Variants in CFAP251 observed in about 807,000 individuals in gnomAD.
The protein encoded by CFAP251 is cilia and flagella associated protein 251, also known as cilia- and flagella-associated protein 251.
A neutral mutation model predicts 126.7 loss-of-function variants in CFAP251; 93 were observed. The ratio of observed to expected loss-of-function variants is 0.73; its 90% CI spans 0.62 to 0.87. The LOEUF (loss-of-function observed/expected upper bound fraction) is 0.87, where lower values mean the gene tolerates loss of function less well. Among genes scored for constraint, CFAP251 ranks in the 40% least tolerant of loss-of-function variants. The pLI is 0.00. For missense variants in CFAP251, 1,287 were observed against 1,389.2 expected (o/e 0.93, Z 1.17); for synonymous variants, 503 against 506.9 (o/e 0.99, Z 0.10).
chr12:121,980,051 G>A lies in CFAP251; in HGVS notation c.3006+4366G>A, dbSNP rs535412597. On this transcript the variant is annotated intron_variant, in intron 19 of 21. Transcript: ENST00000288912. ...TGCTGTGTTGTCTCCCTCCGTGTCCGGCCCCCAGTCCACATCCAGTGGGAT... is the reference window on the plus strand; with the variant it reads ...TGCTGTGTTGTCTCCCTCCGTGTCCAGCCCCCAGTCCACATCCAGTGGGAT... Among the ~76,000 whole-genome samples, 11 of 152,272 alleles carry A rather than the reference G, an allele frequency of 7.2e-5. No individual in the cohort carries two copies. The South Asian group carries it at 1.2e-3, about 17-fold the overall frequency.
At chr12:121,934,165 T>C (rs1880798720) in intron 4 of CFAP251, 82 bp from the exon 5 acceptor site, 3 of 1,041,276 alleles carry the variant, frequency 2.9e-6, no homozygotes, top group Admixed American at 4.8e-5. Flanking sequence ...GATCTTTCTG[T>C]GGGTCCCCGG....
chr12:121,943,867 C>CA (rs1881221039), intron 7 of CFAP251, among the ~76,000 whole-genome samples: 1 of 151,936 alleles, frequency 6.6e-6, no homozygotes, highest in African/African-American at 2.4e-5. Context: ...AACATGCTAG[C>CA]AAAAAAGATA....
chr12:121,960,906 G>C, intron 14 of CFAP251, 148 bp downstream of exon 14: 1 of 1,015,456 alleles, frequency 9.8e-7, no homozygotes, highest in Non-Finnish European at 1.4e-6. Flanking sequence ...ACCTCTCCAG[G>C]TTGGCATTTT....
Position 121,928,674 on chromosome 12 carries a change from A to ATATATATACG in CFAP251, c.748-3064_748-3063insCGTATATATA, listed in dbSNP as rs1880542779. ...TATATATACGTATATATATACGTAT[A>ATATATATACG]TATATATATATATACGTATATATAT... On this transcript the variant is annotated intron_variant, in intron 3 of 21. Coordinates refer to ENST00000288912, the MANE Select transcript of CFAP251 (RefSeq NM_144668.6). Among the ~76,000 whole-genome samples the ATATATATACG allele has an allele frequency of 1.7e-4, 3 of 17,792 alleles. No homozygotes were observed. In the African/African-American group the frequency reaches 1.9e-3, roughly 12 times the overall value. The allele number at this position is 17,792 out of a possible 152,430, so 11.7% of individuals were successfully genotyped here. A position where few individuals can be genotyped will look rare whatever the true frequency, so the allele number is the denominator to read the frequency against.
intron 19 of CFAP251, among the ~76,000 whole-genome samples, chr12:121,978,233 A>T (rs1882519892): frequency 6.6e-6 from 1 of 150,728 alleles, no homozygotes; most frequent in Non-Finnish European, 1.5e-5. Context: ...TCTACTAAAA[A>T]AATACAAAAA....
At chr12:121,929,518 T>C (rs1437815203) in intron 3 of CFAP251, among the ~76,000 whole-genome samples, 3 of 151,972 alleles carry the variant, frequency 2.0e-5, no homozygotes, top group East Asian at 1.9e-4. Flanking sequence ...ATAGTGTATA[T>C]TGGGGGTCAT....
At chr12:121,954,636 T>TTAAAAA (rs1881651364) in intron 10 of CFAP251, among the ~76,000 whole-genome samples, 1 of 41,980 alleles carries the variant, frequency 2.4e-5, no homozygotes, top group Non-Finnish European at 4.0e-5. Flanking sequence ...CCTCCTGTCT[T>TTAAAAA]AAAAAAAAAA....
chr12:121,993,387 ACC>A (rs889286825), intron 19 of CFAP251, among the ~76,000 whole-genome samples: 1 of 129,258 alleles, frequency 7.7e-6, no homozygotes, highest in Non-Finnish European at 1.6e-5. Context: ...CCCGGCCGCC[ACC>A]CCGTCTGGGA....
At chr12:121,975,396 G>T in intron 18 of CFAP251, 62 bp downstream of exon 18, 1 of 1,574,700 alleles carries the variant, frequency 6.4e-7, no homozygotes, top group Admixed American at 1.7e-5. Flanking sequence ...AAGCAAATGT[G>T]CCCAGGGTTA....
chr12:122,003,450 G>A (rs553659476), intron 21 of CFAP251, among the ~76,000 whole-genome samples: 136 of 152,242 alleles, frequency 8.9e-4, no homozygotes, highest in African/African-American at 3.3e-3. Flanking sequence ...GCGTGTGCCT[G>A]TAGTCCCAGC....
In CFAP251 at chr12:121,957,223, A is replaced by G. The variant is rs576330762; in HGVS notation, c.1685A>G (p.Asn562Ser). The change falls in exon 11 of 22, where the codon AAC becomes AGC. Residue 562 changes from asparagine (N) to serine (S), a missense_variant. By Grantham distance (46) the Asn-to-Ser change is conservative. Transcript: ENST00000288912. ...GCAACTCCTCCTACTGAAAAATCAA[A>G]CTATCCTCCTGACTGCACTTTAAAA... Reference protein sequence around the residue: ...TPATPPTEKSNYPPDCTLKGD... With the variant: ...TPATPPTEKSSYPPDCTLKGD... 5 of 1,613,912 alleles carry G rather than the reference A, an allele frequency of 3.1e-6. No homozygotes were observed. In the African/African-American group the frequency reaches 4.0e-5, roughly 13 times the overall value.
At chr12:121,922,951 A>G (rs1000024563) in intron 2 of CFAP251, among the ~76,000 whole-genome samples, 30 of 151,832 alleles carry the variant, frequency 2.0e-4, no homozygotes, top group African/African-American at 6.8e-4. Flanking sequence ...CACCACGCCC[A>G]GCTAATTTTT....
chr12:121,932,143 T>G (rs991743900), intron 4 of CFAP251: 2 of 263,286 alleles, frequency 7.6e-6, no homozygotes, highest in African/African-American at 4.4e-5. Flanking sequence ...TTTTTTACAC[T>G]TCTGCAAAAA....
chr12:121,930,508 A>AT (rs1049340679), intron 3 of CFAP251, among the ~76,000 whole-genome samples: 16 of 152,226 alleles, frequency 1.1e-4, no homozygotes, highest in Admixed American at 7.9e-4. Context: ...AAACAAAAAA[A>AT]ACCCCAAAAA....
chr12:121,958,005 G>A (rs553041657), intron 11 of CFAP251, among the ~76,000 whole-genome samples: 1 of 152,342 alleles, frequency 6.6e-6, no homozygotes, highest in Non-Finnish European at 1.5e-5. Flanking sequence ...ATACACAAAT[G>A]AATATTTGCA....
chr12:121,984,347 G>A (rs1039228843), intron 19 of CFAP251, among the ~76,000 whole-genome samples: 2 of 151,800 alleles, frequency 1.3e-5, no homozygotes, highest in African/African-American at 4.8e-5. Flanking sequence ...TCCCAGGCTG[G>A]AGTGCAGTGG....
At chr12:121,919,774 G>A (rs1203673330) in intron 1 of CFAP251, among the ~76,000 whole-genome samples, 2 of 152,216 alleles carry the variant, frequency 1.3e-5, no homozygotes, top group Non-Finnish European at 2.9e-5. Flanking sequence ...TTTGCTGCCT[G>A]TGGGAATATA....
chr12:121,923,594 A>G (rs1337935553), intron 2 of CFAP251, 28 bp from the exon 3 acceptor site: 8 of 1,581,170 alleles, frequency 5.1e-6, no homozygotes, highest in Non-Finnish European at 6.9e-6. Context: ...GCACATATGG[A>G]ATCATGATAT....
At chr12:121,929,328 A>G (rs1202085378) in intron 3 of CFAP251, among the ~76,000 whole-genome samples, 17 of 151,740 alleles carry the variant, frequency 1.1e-4, no homozygotes, top group African/African-American at 3.9e-4. Context: ...TCAAAAAAAA[A>G]AAAAAAGAAA....
Sources: allele counts gnomAD v4.1 joint callset (sites outside exome capture counted in the v4.1 genomes callset), GRCh38; gene constraint gnomAD v4.1.1; transcripts MANE v1.5; gene names NCBI Gene and HGNC (gene_info 2026-07-23, HGNC 2026-07-21).